The following MCOLN1 variants were observed in gnomAD, a reference collection of about 807,000 sequenced individuals.
MCOLN1 encodes the protein mucolipin TRP cation channel 1, also known as mucolipin-1.
MCOLN1 carries 50 observed loss-of-function variants against 70.3 expected under a neutral mutation model. The ratio of observed to expected loss-of-function variants is 0.71; its 90% CI spans 0.57 to 0.90. The LOEUF is 0.90. MCOLN1 is among the 40% of genes least tolerant of loss of function. MCOLN1 has a pLI of 0.00. For missense variants in MCOLN1, 598 were observed against 803.5 expected (o/e 0.74, Z 3.09); for synonymous variants, 366 against 341.0 (o/e 1.07, Z -0.81).
chr19:7,533,768 G>A lies in MCOLN1; in HGVS notation c.1716G>A (p.Ser572=), dbSNP rs760559591. The A allele has an allele frequency of 3.1e-6, 5 of 1,614,200 alleles. No individual in the cohort carries two copies. The highest frequency in any genetic ancestry group is 1.3e-5 in the African/African-American group (1 of 75,056). ...SLLCCCGRDP[S]EEHSLLVN ...TGCTTCCTTCCTCCAGGGACCCCTC[G>A]GAGGAGCATTCGCTGCTGGTGAATT... Residue 572 remains serine, a synonymous_variant, in exon 14 of 14, where the codon TCG becomes TCA. Transcript: ENST00000264079.
At chr19:7,532,029 C>G (rs1230421920) in intron 12 of MCOLN1, among the ~76,000 whole-genome samples, 1 of 152,240 alleles carries the variant, frequency 6.6e-6, no homozygotes, top group Non-Finnish European at 1.5e-5. Context: ...AGAAGCCGTG[C>G]TCCTAACCCC....
In MCOLN1 at chr19:7,524,216, C is replaced by A. The variant is rs542830951; in HGVS notation, c.32-745C>A. Among the ~76,000 whole-genome samples the A allele has an allele frequency of 5.3e-5, 8 of 152,254 alleles. No individual in the cohort carries two copies. Among genetic ancestry groups the A allele is most frequent in the African/African-American group, 1.7e-4 (7 of 41,548 alleles). On this transcript the variant is annotated intron_variant, in intron 1 of 13. Transcript: ENST00000264079. The surrounding 1 kb of genome is among the most constrained non-coding windows in gnomAD (Gnocchi z 4.1). Reference sequence around the variant, plus strand: ...GGAGGCTCAGGGAGGTACCTGGAGTCAACCTACTGTAAAGTGGCAGGTCTG... The same window carrying A: ...GGAGGCTCAGGGAGGTACCTGGAGTAAACCTACTGTAAAGTGGCAGGTCTG...
chr19:7,524,819 G>C lies in MCOLN1; in HGVS notation c.32-142G>C. On this transcript the variant is annotated intron_variant, in intron 1 of 13. Coordinates refer to ENST00000264079, the MANE Select transcript of MCOLN1 (RefSeq NM_020533.3). This position sits in a 1 kb window ranked among gnomAD's most constrained non-coding sequence, Gnocchi z 4.1. ...TACCTACAATGTCACAGGTTTTCTG[G>C]TTTTCTTTAGACCTCTCAGAGCTCT... is the stretch of plus-strand genomic sequence containing the variant. 4.2e-6 allele frequency: 3 copies of C among 711,934 alleles called. No individual in the cohort carries two copies. The Admixed American group carries it at 7.3e-5, about 17-fold the overall frequency. 44.1% of individuals were successfully genotyped at this position (711,934 alleles called of 1,614,324 possible). A position where few individuals can be genotyped will look rare whatever the true frequency, so the allele number is the denominator to read the frequency against.
intron 9 of MCOLN1, 44 bp downstream of exon 9, chr19:7,529,014 G>T: frequency 1.2e-6 from 2 of 1,613,972 alleles, no homozygotes; most frequent in African/African-American, 1.3e-5. Flanking sequence ...CATCCCTGCT[G>T]TCAGTGCCTA....
intron 10 of MCOLN1, 72 bp from the exon 11 acceptor site, chr19:7,529,518 C>CCCCTCTGGGTG: frequency 7.4e-7 from 1 of 1,352,498 alleles, no homozygotes; most frequent in Non-Finnish European, 1.0e-6. Context: ...CCCTCCCACC[C>CCCCTCTGGGTG]CCATCTGGGT....
rs554380139 is a variant in MCOLN1, at chr19:7,526,465, G to A, written c.264G>A (p.Gln88=). The change falls in exon 3 of 14, where the codon CAG becomes CAA. Residue 88 remains glutamine (Q), a synonymous_variant. Transcript: ENST00000264079. This position sits in a 1 kb window ranked among gnomAD's most constrained non-coding sequence, Gnocchi z 4.6. ...TCATCCTGTTTGGGCTCAGTAATCA[G>A]CTGGCTGTGACATTCCGGGAAGAGA... ...VQLILFGLSN[Q]LAVTFREENT... 3.8e-5 allele frequency: 62 copies of A among 1,614,228 alleles called. 1 individual carries two copies. In the South Asian group the frequency reaches 6.0e-4, roughly 16 times the overall value.
At chr19:7,533,327 T>A in intron 12 of MCOLN1, 196 bp from the exon 13 acceptor site, 1 of 661,330 alleles carries the variant, frequency 1.5e-6, no homozygotes, top group African/African-American at 1.8e-5. Flanking sequence ...AAGACACAGC[T>A]TGTATCCAGG....
At chr19:7,533,036 C>T (rs1356015288) in intron 12 of MCOLN1, among the ~76,000 whole-genome samples, 1 of 152,218 alleles carries the variant, frequency 6.6e-6, no homozygotes, top group Non-Finnish European at 1.5e-5. Context: ...CCAATGTCAC[C>T]GGCAGATGGG....
At chr19:7,527,029 C>G in intron 4 of MCOLN1, 103 bp downstream of exon 4, 1 of 1,444,676 alleles carries the variant, frequency 6.9e-7, no homozygotes, top group Non-Finnish European at 9.6e-7. Context: ...AATACCAGCA[C>G]TTTGGGAGGC....
At position 7,530,503 on chromosome 19, in the gene MCOLN1, T is replaced by A; in HGVS notation, c.1575+2T>A. ...ACCGGCGCCTACGACACCATCAAGG[T>A]CAGCCGCATGCACCCAGCCCTGAGC... On this transcript the variant is annotated splice_donor_variant, in intron 12 of 13. Transcript: ENST00000264079. LOFTEE classifies it high-confidence loss of function. The A allele has an allele frequency of 6.2e-7, 1 of 1,607,964 alleles. No individual in the cohort carries two copies.
chr19:7,525,487 T>A lies in MCOLN1; in HGVS notation c.237+321T>A. ...CAGCCTGGGCAACAGAGCAAGACTG[T>A]CTCAAAAAAAAAAAGAAGCCGACTC... On this transcript the variant is annotated intron_variant, in intron 2 of 13. Coordinates refer to ENST00000264079, the MANE Select transcript of MCOLN1 (RefSeq NM_020533.3). The surrounding 1 kb of genome is among the most constrained non-coding windows in gnomAD (Gnocchi z 4.2). 3.9e-6 allele frequency: 1 copy of A among 253,206 alleles called. No homozygotes were observed. Among genetic ancestry groups the A allele is most frequent in the Non-Finnish European group, 7.6e-6 (1 of 132,082 alleles). 15.7% of individuals were successfully genotyped at this position (253,206 alleles called of 1,614,324 possible).
chr19:7,533,003 C>A (rs1015916869), intron 12 of MCOLN1, among the ~76,000 whole-genome samples: 1 of 152,246 alleles, frequency 6.6e-6, no homozygotes, highest in African/African-American at 2.4e-5. Context: ...AGGAAGGAAG[C>A]CTTGGCTGGG....
Position 7,525,844 on chromosome 19 carries a change from T to TGC in MCOLN1, c.238-595_238-594insGC. On this transcript the variant is annotated intron_variant, in intron 2 of 13. Transcript: ENST00000264079. This position sits in a 1 kb window ranked among gnomAD's most constrained non-coding sequence, Gnocchi z 4.2. ...TTGGGAGGCTGAGTTGGGTGGATCA[T>TGC]TTGAGGCCAGGAGTTTGAGACCAGC... 5.9e-6 allele frequency: 1 copy of TGC among 170,518 alleles called. No homozygotes were observed. The highest frequency in any genetic ancestry group is 1.6e-4 in the East Asian group (1 of 6,390). The allele number at this position is 170,518 out of a possible 1,614,324, so 10.6% of individuals were successfully genotyped here. A position where few individuals can be genotyped will look rare whatever the true frequency, so the allele number is the denominator to read the frequency against.
Position 7,528,526 on chromosome 19 carries a change from G to T in MCOLN1, c.878-71G>T, listed in dbSNP as rs902895299. On this transcript the variant is annotated intron_variant, in intron 7 of 13. Transcript: ENST00000264079. The surrounding 1 kb of genome is among the most constrained non-coding windows in gnomAD (Gnocchi z 4.2). Reference sequence around the variant, plus strand: ...TGCAGCCCCCTAGGTCTCCAGCCTGGCCTGGCACCAATGCTAGCCTCCCAA... The same window carrying T: ...TGCAGCCCCCTAGGTCTCCAGCCTGTCCTGGCACCAATGCTAGCCTCCCAA... The T allele has an allele frequency of 4.2e-5, 67 of 1,599,802 alleles. No homozygotes were observed. The highest frequency in any genetic ancestry group is 4.1e-4 in the Middle Eastern group (2 of 4,934).
chr19:7,526,714 G>C lies in MCOLN1; in HGVS notation c.406-47G>C. The C allele has an allele frequency of 6.2e-7, 1 of 1,608,718 alleles. No individual in the cohort carries two copies. The highest frequency in any genetic ancestry group is 1.1e-5 in the South Asian group (1 of 90,902). On this transcript the variant is annotated intron_variant, in intron 3 of 13. Coordinates refer to ENST00000264079, the MANE Select transcript of MCOLN1 (RefSeq NM_020533.3). This position sits in a 1 kb window ranked among gnomAD's most constrained non-coding sequence, Gnocchi z 4.6. ...GCGGGCAGGTGCAGGTGGGTGGGCT[G>C]CAGAGAGCGGGCCGGACTCACAGGC...
In MCOLN1 at chr19:7,528,160, C is replaced by G; in HGVS notation, c.780C>G (p.Ile260Met). Residue 260 changes from isoleucine (I) to methionine (M), a missense_variant and splice_region_variant, in exon 7 of 14, where the codon ATC (isoleucine) becomes ATG (methionine). Around this residue, in one of 3 missense-constraint regions of MCOLN1, gnomAD observed 461 missense variants for 588.4 expected, o/e 0.78. Coordinates refer to ENST00000264079, the MANE Select transcript of MCOLN1 (RefSeq NM_020533.3). The surrounding 1 kb of genome is among the most constrained non-coding windows in gnomAD (Gnocchi z 4.2). The part of the protein sequence containing the change: ...IPDCYTFSVL[I>M]TFDNKAHSGR... ...CTGCCCCCAACTGGCCCCCACAGAT[C>G]ACGTTTGACAACAAAGCACACAGTG... is the stretch of plus-strand genomic sequence containing the variant. 6.2e-7 allele frequency: 1 copy of G among 1,614,016 alleles called. No individual in the cohort carries two copies. The highest frequency in any genetic ancestry group is 8.5e-7 in the Non-Finnish European group (1 of 1,179,956).
chr19:7,532,478 G>T (rs983445424), intron 12 of MCOLN1, among the ~76,000 whole-genome samples: 23 of 152,062 alleles, frequency 1.5e-4, no homozygotes, highest in Non-Finnish European at 2.6e-4. Flanking sequence ...GAGGCCGAGG[G>T]GGGGTGGGGG....
At position 7,528,580 on chromosome 19, in the gene MCOLN1, C is replaced by T. The variant is rs753918715; in HGVS notation, c.878-17C>T. On this transcript the variant is annotated splice_polypyrimidine_tract_variant and intron_variant, in intron 7 of 13. Coordinates refer to ENST00000264079, the MANE Select transcript of MCOLN1 (RefSeq NM_020533.3). This position sits in a 1 kb window ranked among gnomAD's most constrained non-coding sequence, Gnocchi z 4.2. ...TCCATGCCATCCTTGGCCCTACCCG[C>T]TCTGCCCTCCCCGCAGGAGACAACA... The T allele has an allele frequency of 6.8e-6, 11 of 1,614,000 alleles. No homozygotes were observed. The highest frequency in any genetic ancestry group is 2.2e-5 in the East Asian group (1 of 44,888).
Position 7,525,547 on chromosome 19 carries a change from T to C in MCOLN1, c.237+381T>C, listed in dbSNP as rs2022557141. The C allele has an allele frequency of 3.5e-6, 1 of 289,142 alleles. No individual in the cohort carries two copies. Among genetic ancestry groups the C allele is most frequent in the Admixed American group, 5.1e-5 (1 of 19,514 alleles). 17.9% of individuals were successfully genotyped at this position (289,142 alleles called of 1,614,324 possible). ...GAGAGGTTAGGAGACTTGCCCAAAG[T>C]CACACAGCAATAGAACATTGGGAGC... On this transcript the variant is annotated intron_variant, in intron 2 of 13. Transcript: ENST00000264079. This position sits in a 1 kb window ranked among gnomAD's most constrained non-coding sequence, Gnocchi z 4.2.
Sources: gnomAD v4.1 joint callset for allele counts (sites outside exome capture counted in the v4.1 genomes callset) on GRCh38, gnomAD v4.1.1 for gene constraint, gnomAD v4.1.1 regional missense constraint, Gnocchi (gnomAD v3.1) non-coding constraint, MANE v1.5 for transcripts, NCBI Gene and HGNC (gene_info 2026-07-23, HGNC 2026-07-21) for gene names.